The following OMA1 variants were observed in gnomAD, a reference collection of about 807,000 sequenced individuals.
OMA1 encodes the protein metalloendopeptidase OMA1, mitochondrial.
A neutral mutation model predicts 30.9 loss-of-function variants in OMA1; 38 were observed. The observed-to-expected ratio is 1.23, with a 90% CI of 0.95 to 1.61. OMA1 has a LOEUF of 1.61. Ranked by LOEUF, OMA1 falls within the 40% of genes most tolerant of loss-of-function variation. The probability of loss-of-function intolerance (pLI) is 0.00; values close to 1 mark genes in which losing one functional copy is unlikely to be tolerated. For missense variants in OMA1, 461 were observed against 349.2 expected (o/e 1.32, Z -2.55); for synonymous variants, 173 against 121.9 (o/e 1.42, Z -2.76).
At chr1:58,496,036 G>A (rs1200879304) in intron 8 of OMA1, among the ~76,000 whole-genome samples, 1 of 152,112 alleles carries the variant, frequency 6.6e-6, no homozygotes, top group African/African-American at 2.4e-5. Flanking sequence ...CTTGAGAAAT[G>A]TTAACTAAAT....
At chr1:58,528,431 T>C (rs1316935573) in intron 6 of OMA1, among the ~76,000 whole-genome samples, 2 of 152,228 alleles carry the variant, frequency 1.3e-5, no homozygotes, top group East Asian at 1.9e-4. Context: ...CTCATATTTA[T>C]TGAGCCCTGA....
chr1:58,491,526 C>T (rs1219019673), intron 8 of OMA1, among the ~76,000 whole-genome samples: 4 of 152,042 alleles, frequency 2.6e-5, no homozygotes, highest in South Asian at 2.1e-4. Flanking sequence ...ACCCATCTCA[C>T]GTGCAGAGAC....
At chr1:58,505,714 A>C (rs2100415798) in intron 8 of OMA1, among the ~76,000 whole-genome samples, 1 of 152,300 alleles carries the variant, frequency 6.6e-6, no homozygotes, top group East Asian at 1.9e-4. Flanking sequence ...CAAAAAGCTT[A>C]AATCACCAAG....
chr1:58,544,355 T>TA (rs1363394987), intron 1 of OMA1, among the ~76,000 whole-genome samples: 3 of 152,068 alleles, frequency 2.0e-5, no homozygotes, highest in African/African-American at 7.2e-5. Context: ...AAAACAGATT[T>TA]TAAAAAACCC....
intron 5 of OMA1, among the ~76,000 whole-genome samples, chr1:58,531,646 T>C (rs894930042): frequency 1.3e-5 from 2 of 152,124 alleles, no homozygotes; most frequent in African/African-American, 2.4e-5. Context: ...ATACTTTACC[T>C]CCTTATATTT....
In OMA1 at chr1:58,539,189, G is replaced by C. The variant is rs181552885; in HGVS notation, c.106C>G (p.Arg36Gly). The C allele has an allele frequency of 1.1e-6, 1 of 872,890 alleles. No individual in the cohort carries two copies. The highest frequency in any genetic ancestry group is 2.0e-6 in the Non-Finnish European group (1 of 501,668). 54.1% of individuals were successfully genotyped at this position (872,890 alleles called of 1,614,324 possible). A position where few individuals can be genotyped will look rare whatever the true frequency, so the allele number is the denominator to read the frequency against. The change falls in exon 2 of 9, where the codon CGG becomes GGG. Residue 36 changes from arginine (R) to glycine (G), a missense_variant. By Grantham distance (125) the Arg-to-Gly change is moderately radical. Coordinates refer to ENST00000371226, the MANE Select transcript of OMA1 (RefSeq NM_145243.5). ...TTAACTTGTACTTGATGACAGCCCC[G>C]TGAGGTGGATGCTAATGTGTTACAT... ...RKCNTLASTS[R>G]GCHQVQVNHI...
intron 8 of OMA1, among the ~76,000 whole-genome samples, chr1:58,495,344 C>T (rs1645780903): frequency 6.6e-6 from 1 of 152,074 alleles, no homozygotes; most frequent in Non-Finnish European, 1.5e-5. Context: ...GGGTGCAGCA[C>T]ACCAACATGG....
At chr1:58,487,249 A>G (rs923571074) in intron 8 of OMA1, among the ~76,000 whole-genome samples, 6 of 152,208 alleles carry the variant, frequency 3.9e-5, no homozygotes, top group African/African-American at 1.4e-4. Flanking sequence ...CATGAATAGG[A>G]CACAGAAGTG....
At chr1:58,513,548 C>G (rs755080432) in intron 7 of OMA1, among the ~76,000 whole-genome samples, 2 of 152,042 alleles carry the variant, frequency 1.3e-5, no homozygotes, top group Non-Finnish European at 2.9e-5. Context: ...TAATGGCTAC[C>G]GCTGGCCAGA....
intron 6 of OMA1, among the ~76,000 whole-genome samples, chr1:58,529,883 A>G (rs542005419): frequency 2.4e-4 from 36 of 151,998 alleles, no homozygotes; most frequent in African/African-American, 8.4e-4. Context: ...TTTTATTTTT[A>G]TTTTTATTTT....
In OMA1 at chr1:58,538,885, T is replaced by C. The variant is rs777701822; in HGVS notation, c.410A>G (p.His137Arg). The change falls in exon 2 of 9, where the codon CAT becomes CGT. Residue 137 changes from histidine (H) to arginine (R), a missense_variant. Physicochemically the swap from His to Arg is conservative, Grantham distance 29. Transcript: ENST00000371226. ...AGCAGCTTGAAACCGTGGAGAAGTA[T>C]GGAAATTCCTAATAGCTCTTATGGA... ...PASIRAIRNF[H>R]TSPRFQAAPV... is the part of the protein sequence containing the mutation. 3.4e-6 allele frequency: 3 copies of C among 872,862 alleles called. No individual in the cohort carries two copies. Among genetic ancestry groups the C allele is most frequent in the Admixed American group, 1.7e-5 (1 of 59,186 alleles). The allele number at this position is 872,862 out of a possible 1,614,324, so 54.1% of individuals were successfully genotyped here. A position where few individuals can be genotyped will look rare whatever the true frequency, so the allele number is the denominator to read the frequency against.
At chr1:58,496,159 T>A (rs2100392511) in intron 8 of OMA1, among the ~76,000 whole-genome samples, 1 of 152,120 alleles carries the variant, frequency 6.6e-6, no homozygotes, top group Middle Eastern at 3.4e-3. Context: ...TATTCTTTCA[T>A]TTTTTTAGAC....
At chr1:58,489,358 C>G (rs572242190) in intron 8 of OMA1, among the ~76,000 whole-genome samples, 38 of 152,356 alleles carry the variant, frequency 2.5e-4, no homozygotes, top group African/African-American at 8.9e-4. Flanking sequence ...GCACAGCAGT[C>G]TGAGATCAAA....
At chr1:58,530,571 G>C (rs777754801) in intron 6 of OMA1, 30 bp downstream of exon 6, 2 of 860,198 alleles carry the variant, frequency 2.3e-6, no homozygotes, top group Non-Finnish European at 2.0e-6. Flanking sequence ...CAGAGGCTAT[G>C]ATCAATTCAA....
chr1:58,489,895 G>A (rs541361765), intron 8 of OMA1, among the ~76,000 whole-genome samples: 1 of 152,244 alleles, frequency 6.6e-6, no homozygotes, highest in African/African-American at 2.4e-5. Context: ...ACTGTTAGAA[G>A]GAAAACTAAC....
At chr1:58,502,527 A>G (rs1266398808) in intron 8 of OMA1, among the ~76,000 whole-genome samples, 1 of 152,200 alleles carries the variant, frequency 6.6e-6, no homozygotes, top group Non-Finnish European at 1.5e-5. Flanking sequence ...GGGGAACATA[A>G]CTTCACCATA....
At chr1:58,539,448 A>C (rs1646569255) in intron 1 of OMA1, 138 bp from the exon 2 acceptor site, 1 of 594,930 alleles carries the variant, frequency 1.7e-6, no homozygotes. Context: ...TCAACTCATC[A>C]CCCCTAGAGC....
chr1:58,523,728 T>C (rs1391128686), intron 7 of OMA1, among the ~76,000 whole-genome samples: 1 of 151,994 alleles, frequency 6.6e-6, no homozygotes, highest in Non-Finnish European at 1.5e-5. Context: ...TGAAACCCCA[T>C]CTCTACTAAA....
intron 7 of OMA1, among the ~76,000 whole-genome samples, chr1:58,518,998 T>C (rs906814382): frequency 2.6e-5 from 4 of 152,330 alleles, no homozygotes; most frequent in Non-Finnish European, 5.9e-5. Context: ...TTCTCAAACT[T>C]GGCAGTATGG....
Sources: gnomAD v4.1 joint callset for allele counts (sites outside exome capture counted in the v4.1 genomes callset) on GRCh38, gnomAD v4.1.1 for gene constraint, MANE v1.5 for transcripts, NCBI Gene and HGNC (gene_info 2026-07-23, HGNC 2026-07-21) for gene names.